Variants in TNRC6C observed in about 807,000 individuals in gnomAD.
TNRC6C encodes the protein trinucleotide repeat-containing gene 6C protein.
A neutral mutation model predicts 153.7 loss-of-function variants in TNRC6C; 20 were observed. The observed-to-expected ratio is 0.13, with a 90% CI of 0.09 to 0.19. The LOEUF is 0.19. Among genes scored for constraint, TNRC6C ranks in the 10% least tolerant of loss-of-function variants. The pLI is 1.00. For synonymous variants in TNRC6C, 811 were observed against 841.4 expected, an observed-to-expected ratio of 0.96 and a Z score of 0.63; for missense variants, 1,987 against 2,172.0, an observed-to-expected ratio of 0.91 and a Z score of 1.69.
At chr17:78,077,592 T>C in intron 9 of TNRC6C, 1 of 525,408 alleles carries the variant, frequency 1.9e-6, no homozygotes, top group South Asian at 2.1e-5. Flanking sequence ...TGGTGCTAAC[T>C]TGGGACTGGC....
At chr17:78,072,499 C>A (rs2073016724) in intron 6 of TNRC6C, among the ~76,000 whole-genome samples, 1 of 152,152 alleles carries the variant, frequency 6.6e-6, no homozygotes, top group African/African-American at 2.4e-5. Context: ...GGAGAGCATC[C>A]TGTCCTCATG....
chr17:77,979,467 T>G (rs2071043861), intron 1 of TNRC6C, among the ~76,000 whole-genome samples: 1 of 152,152 alleles, frequency 6.6e-6, no homozygotes, highest in Non-Finnish European at 1.5e-5. Context: ...TTTAATAGTA[T>G]TCTTAGCTGA....
intron 1 of TNRC6C, among the ~76,000 whole-genome samples, chr17:77,970,821 C>T (rs762568130): frequency 2.0e-5 from 3 of 151,994 alleles, no homozygotes; most frequent in Non-Finnish European, 2.9e-5. Flanking sequence ...CTAGCCTGGG[C>T]GACACAGCAA....
At chr17:78,066,417 A>G in intron 4 of TNRC6C, 1 of 152,036 alleles carries the variant, frequency 6.6e-6, no homozygotes, top group Middle Eastern at 3.2e-3. Context: ...ACTCTGCTCA[A>G]AGTATTCCAT....
exon 15 of TNRC6C, chr17:78,093,002 A>G: frequency 6.2e-7 from 1 of 1,613,876 alleles, no homozygotes; most frequent in South Asian, 1.1e-5. Flanking sequence ...TATGGCCGGT[A>G]CGATTTAATC....
At chr17:78,005,471 C>T (rs1453112946) in intron 1 of TNRC6C, among the ~76,000 whole-genome samples, 1 of 152,108 alleles carries the variant, frequency 6.6e-6, no homozygotes, top group Non-Finnish European at 1.5e-5. Context: ...TATATTCTTT[C>T]TGGATTCCCT....
chr17:78,034,201 G>C (rs1356753474), intron 2 of TNRC6C, among the ~76,000 whole-genome samples: 1 of 152,104 alleles, frequency 6.6e-6, no homozygotes. Flanking sequence ...GGGATTACAG[G>C]CGACCACCAC....
chr17:78,104,726 C>T lies in TNRC6C; in HGVS notation c.4954C>T (p.Pro1652Ser). Residue 1652 changes from proline (P) to serine (S), a missense_variant, in exon 20 of 20, where the codon CCC becomes TCC. Around this residue, in one of 4 missense-constraint regions of TNRC6C, gnomAD observed 139 missense variants for 148.5 expected, o/e 0.94. Transcript: ENST00000301624. This position sits in a 1 kb window ranked among gnomAD's most constrained non-coding sequence, Gnocchi z 6.2. ...CAGTGAGCTGCTGTGGGGCGGGGTG[C>T]CCCAGTACTCCAGCAGCCTGTGGGG... 1 of 1,529,886 alleles carries T rather than the reference C, an allele frequency of 6.5e-7. No homozygotes were observed. The allele number at this position is 1,529,886 out of a possible 1,614,324, so 94.8% of individuals were successfully genotyped here. A position where few individuals can be genotyped will look rare whatever the true frequency, so the allele number is the denominator to read the frequency against.
chr17:78,094,551 G>A (rs1372501319), intron 16 of TNRC6C, among the ~76,000 whole-genome samples: 1 of 151,146 alleles, frequency 6.6e-6, no homozygotes, highest in Non-Finnish European at 1.5e-5. Flanking sequence ...TGATTCTCAT[G>A]CCTCAGCCTC....
At chr17:78,005,119 T>C (rs962253960) in intron 1 of TNRC6C, 40 bp downstream of exon 3, 4 of 1,222,038 alleles carry the variant, frequency 3.3e-6, no homozygotes, top group Non-Finnish European at 4.1e-6. Flanking sequence ...TTTATGGCGG[T>C]ACCAAAATTT....
Position 78,077,012 on chromosome 17 carries a change from C to G in TNRC6C, c.3061-173C>G, listed in dbSNP as rs1340461321. On this transcript the variant is annotated intron_variant, in intron 8 of 19. Coordinates refer to ENST00000301624, the Ensembl canonical transcript of TNRC6C. Reference sequence around the variant, plus strand: ...TGAAAACAGCATCTTAATCCTATTTCTTTTTCTTTTTCCCCTCTTCCTTTT... The same window carrying G: ...TGAAAACAGCATCTTAATCCTATTTGTTTTTCTTTTTCCCCTCTTCCTTTT... The G allele has an allele frequency of 7.3e-6, 5 of 685,554 alleles. No individual in the cohort carries two copies. In the African/African-American group the frequency reaches 9.1e-5, roughly 12 times the overall value. The allele number at this position is 685,554 out of a possible 1,614,324, so 42.5% of individuals were successfully genotyped here. A position where few individuals can be genotyped will look rare whatever the true frequency, so the allele number is the denominator to read the frequency against.
At chr17:78,073,170 C>A in intron 7 of TNRC6C, 76 bp downstream of exon 9, 1 of 1,326,156 alleles carries the variant, frequency 7.5e-7, no homozygotes. Flanking sequence ...TGATTGTAGT[C>A]ATGGTTTAAT....
intron 10 of TNRC6C, among the ~76,000 whole-genome samples, chr17:78,082,750 G>A (rs551418291): frequency 7.9e-5 from 12 of 152,190 alleles, no homozygotes; most frequent in Admixed American, 7.9e-4. Flanking sequence ...TAGGAATCTT[G>A]GTGATGTGAA....
At position 78,079,615 on chromosome 17, in the gene TNRC6C, G is replaced by A. The variant is rs1158366445; in HGVS notation, c.3357+74G>A. On this transcript the variant is annotated intron_variant, in intron 10 of 19. Transcript: ENST00000301624. The surrounding 1 kb of genome is among the most constrained non-coding windows in gnomAD (Gnocchi z 4.3). ...TGTTTCGTGGGGTCCTGTGTTATCT[G>A]GAAGTCACTATTTTAAAGTGAGAGC... 6.5e-7 allele frequency: 1 copy of A among 1,541,650 alleles called. No homozygotes were observed. Among genetic ancestry groups the A allele is most frequent in the South Asian group, 1.2e-5 (1 of 82,852 alleles).
chr17:78,059,505 G>A lies in TNRC6C; in HGVS notation c.2396-5217G>A, dbSNP rs559649279. On this transcript the variant is annotated intron_variant, in intron 3 of 19. Transcript: ENST00000301624. Reference sequence around the variant, plus strand: ...GTGAACCCCACATGCAAAGGCCTTAGCTTTAGGTACCTTCAATTCAAAATA... The same window carrying A: ...GTGAACCCCACATGCAAAGGCCTTAACTTTAGGTACCTTCAATTCAAAATA... Among the ~76,000 whole-genome samples, 7 of 152,292 alleles carry A rather than the reference G, an allele frequency of 4.6e-5. No individual in the cohort carries two copies. The South Asian group carries it at 1.4e-3, about 32-fold the overall frequency.
intron 15 of TNRC6C, chr17:78,093,381 A>G: frequency 1.5e-6 from 1 of 662,298 alleles, no homozygotes; most frequent in Non-Finnish European, 2.5e-6. Flanking sequence ...ACTGCACACT[A>G]TCCGGTAAAA....
intron 2 of TNRC6C, among the ~76,000 whole-genome samples, chr17:78,040,552 C>T (rs1279610584): frequency 6.6e-6 from 1 of 151,928 alleles, no homozygotes; most frequent in Non-Finnish European, 1.5e-5. Context: ...GTTGGCATGC[C>T]AAATGTTTAG....
At chr17:78,084,528 A>G (rs766892758) in intron 11 of TNRC6C, among the ~76,000 whole-genome samples, 2 of 151,884 alleles carry the variant, frequency 1.3e-5, no homozygotes, top group Admixed American at 6.6e-5. Flanking sequence ...GACACATGCT[A>G]TGTGTCCTCG....
At chr17:78,034,503 G>A (rs777965233) in intron 2 of TNRC6C, among the ~76,000 whole-genome samples, 2 of 148,970 alleles carry the variant, frequency 1.3e-5, no homozygotes, top group Admixed American at 6.7e-5. Context: ...TTGTCCCCCC[G>A]CACCCGTGAG....
Sources: gnomAD v4.1 joint callset for allele counts (sites outside exome capture counted in the v4.1 genomes callset) on GRCh38, gnomAD v4.1.1 for gene constraint, gnomAD v4.1.1 regional missense constraint, Gnocchi (gnomAD v3.1) non-coding constraint, MANE v1.5 for transcripts, NCBI Gene and HGNC (gene_info 2026-07-23, HGNC 2026-07-21) for gene names.